Variants in CTPS2 observed in about 807,000 individuals in gnomAD.
CTPS2 encodes CTP synthase II.
CTPS2 carries 19 observed loss-of-function variants against 46.8 expected under a neutral mutation model. The ratio of observed to expected loss-of-function variants is 0.41; its 90% CI spans 0.28 to 0.60. CTPS2 has a LOEUF of 0.60. CTPS2 is among the 20% of genes least tolerant of loss of function. CTPS2 has a pLI of 0.35. For synonymous variants in CTPS2, 151 were observed against 165.2 expected (o/e 0.91, Z 0.66); for missense variants, 286 against 447.6 (o/e 0.64, Z 3.26).
chrX:16,679,629 C>T lies in CTPS2; in HGVS notation c.1006-1179G>A, dbSNP rs143561367. Among the ~76,000 whole-genome samples, 12 of 111,404 alleles carry T rather than the reference C, an allele frequency of 1.1e-4. No homozygotes were observed. In the East Asian group the frequency reaches 3.4e-3, roughly 32 times the overall value. Reference sequence around the variant, plus strand: ...ATTCCTATGTTGAAATCCCAACTCCCAAAGGAATGGTATTAGGAGGTAGGT... The same window carrying T: ...ATTCCTATGTTGAAATCCCAACTCCTAAAGGAATGGTATTAGGAGGTAGGT... On this transcript the variant is annotated intron_variant, in intron 9 of 18. Coordinates refer to ENST00000359276, the MANE Select transcript of CTPS2 (RefSeq NM_175859.3).
chrX:16,663,483 T>C (rs983482318), intron 13 of CTPS2, among the ~76,000 whole-genome samples: 55 of 111,506 alleles, frequency 4.9e-4, no homozygotes, highest in African/African-American at 1.7e-3. Context: ...TATTCATATG[T>C]GTGTGGCTAA....
chrX:16,679,300 G>T (rs945408319), intron 9 of CTPS2, among the ~76,000 whole-genome samples: 3 of 111,233 alleles, frequency 2.7e-5, no homozygotes, highest in African/African-American at 9.8e-5. Flanking sequence ...AGAGGTTGCA[G>T]TGAGCTTAGA....
At chrX:16,663,112 G>A (rs1469376604) in intron 13 of CTPS2, among the ~76,000 whole-genome samples, 1 of 111,340 alleles carries the variant, frequency 9.0e-6, no homozygotes, top group African/African-American at 3.3e-5. Flanking sequence ...TATAAAGCAA[G>A]GTGGGAACAG....
intron 13 of CTPS2, among the ~76,000 whole-genome samples, chrX:16,652,150 A>G (rs1363119787): frequency 8.9e-6 from 1 of 111,839 alleles, no homozygotes; most frequent in Non-Finnish European, 1.9e-5. Flanking sequence ...AGATACAAGG[A>G]CAGAGAGGGA....
intron 11 of CTPS2, among the ~76,000 whole-genome samples, chrX:16,668,814 GAAAGA>G: frequency 9.3e-6 from 1 of 107,881 alleles, no homozygotes; most frequent in Admixed American, 1.0e-4. Context: ...AGGAAGGAAG[GAAAGA>G]AGGAAAGAAA....
At chrX:16,688,437 CTT>C (rs755771869) in intron 8 of CTPS2, among the ~76,000 whole-genome samples, 15 of 96,852 alleles carry the variant, frequency 1.5e-4, no homozygotes, top group Non-Finnish European at 1.7e-4. Flanking sequence ...CTTAATTTCC[CTT>C]TTTTTTTTTT....
At chrX:16,672,597 A>G (rs976387170) in intron 10 of CTPS2, among the ~76,000 whole-genome samples, 2 of 111,158 alleles carry the variant, frequency 1.8e-5, no homozygotes, top group African/African-American at 3.3e-5. Context: ...GCTAATGTCT[A>G]TGTTTTGTCA....
At chrX:16,625,407 G>A (rs1214142652) in intron 14 of CTPS2, among the ~76,000 whole-genome samples, 1 of 112,111 alleles carries the variant, frequency 8.9e-6, no homozygotes, top group East Asian at 2.8e-4. Flanking sequence ...GCCACTGTGT[G>A]CACTCAAATC....
intron 15 of CTPS2, among the ~76,000 whole-genome samples, chrX:16,619,118 T>G (rs6527691): frequency 2.7e-5 from 3 of 111,910 alleles, no homozygotes; most frequent in Non-Finnish European, 5.6e-5. Context: ...ATGTCCTACA[T>G]GTACCAAATT....
At chrX:16,709,105 G>A (rs753727831) in intron 1 of CTPS2, among the ~76,000 whole-genome samples, 3 of 109,140 alleles carry the variant, frequency 2.7e-5, no homozygotes, top group Admixed American at 9.9e-5. Flanking sequence ...GCGAGACTTC[G>A]TCTCAAAAAA....
chrX:16,707,589 G>A (rs1427893171), intron 1 of CTPS2, among the ~76,000 whole-genome samples: 2 of 110,506 alleles, frequency 1.8e-5, no homozygotes, highest in Non-Finnish European at 3.8e-5. Flanking sequence ...CAGGAGGATT[G>A]CTTGAGCCCA....
intron 4 of CTPS2, among the ~76,000 whole-genome samples, chrX:16,695,882 G>C (rs1041437358): frequency 9.3e-6 from 1 of 107,881 alleles, no homozygotes; most frequent in Non-Finnish European, 1.9e-5. Flanking sequence ...ACAGAGTCTC[G>C]CTCTGCCACC....
rs758707895 is a variant in CTPS2, at chrX:16,699,111, A to G, written c.167-18T>C. 5.4e-6 allele frequency: 6 copies of G among 1,106,565 alleles called. No homozygotes were observed. In the African/African-American group the frequency reaches 1.1e-4, roughly 21 times the overall value. The allele number at this position is 1,106,565 out of a possible 1,213,427, so 91.2% of individuals were successfully genotyped here. The stretch of plus-strand genomic sequence containing the variant: ...GACTTCACCTAGGATTAAAAAGGCA[A>G]TGGAAAAATCAAAACTTTGCTTCCA... On this transcript the variant is annotated intron_variant, in intron 2 of 18. Transcript: ENST00000359276.
chrX:16,702,797 C>T lies in CTPS2; in HGVS notation c.106G>A (p.Ala36Thr), dbSNP rs1247361918. The change falls in exon 2 of 19, where the codon GCC becomes ACC. Residue 36 changes from alanine (A) to threonine (T), a missense_variant. Physicochemically the swap from Ala to Thr is moderately conservative, Grantham distance 58. Coordinates refer to ENST00000359276, the MANE Select transcript of CTPS2 (RefSeq NM_175859.3). ...TTAATATAGGGGTCGATTTTTATGG[C>T]AGTAACTCGGAGTCCACATGATTTT... is the stretch of plus-strand genomic sequence containing the variant. ...ILKSCGLRVT[A>T]IKIDPYINID... 2 of 1,210,157 alleles carry T rather than the reference C, an allele frequency of 1.7e-6. No individual in the cohort carries two copies. The highest frequency in any genetic ancestry group is 1.7e-5 in the African/African-American group (1 of 57,579).
intron 17 of CTPS2, among the ~76,000 whole-genome samples, chrX:16,605,089 A>T (rs1389743489): frequency 8.9e-6 from 1 of 111,857 alleles, no homozygotes; most frequent in Non-Finnish European, 1.9e-5. Context: ...TTACTAACTG[A>T]TAAGGTCATT....
chrX:16,634,324 T>G (rs745890954), intron 14 of CTPS2, among the ~76,000 whole-genome samples: 1 of 111,920 alleles, frequency 8.9e-6, no homozygotes, highest in Admixed American at 9.5e-5. Flanking sequence ...ATCAGGGTAA[T>G]TATTTTGAAT....
intron 7 of CTPS2, among the ~76,000 whole-genome samples, chrX:16,690,302 C>T (rs1923592079): frequency 9.1e-6 from 1 of 109,754 alleles, no homozygotes; most frequent in African/African-American, 3.3e-5. Flanking sequence ...ACCCAGGAGG[C>T]AGAGGTTGCA....
chrX:16,697,710 C>T (rs1010875563), intron 4 of CTPS2, among the ~76,000 whole-genome samples: 2 of 110,827 alleles, frequency 1.8e-5, no homozygotes, highest in Admixed American at 9.8e-5. Context: ...CTGAAAATGC[C>T]GGAATTGCAG....
chrX:16,653,819 G>A (rs1278462974), intron 13 of CTPS2, among the ~76,000 whole-genome samples: 2 of 112,178 alleles, frequency 1.8e-5, no homozygotes. Flanking sequence ...TGGAGTCAAC[G>A]TGTGGACCCC....
Sources: gnomAD v4.1 joint callset for allele counts (sites outside exome capture counted in the v4.1 genomes callset) on GRCh38, gnomAD v4.1.1 for gene constraint, MANE v1.5 for transcripts, NCBI Gene and HGNC (gene_info 2026-07-23, HGNC 2026-07-21) for gene names.